Variants in IQCK observed in about 807,000 individuals in gnomAD.
IQCK encodes the protein IQ domain-containing protein K.
In IQCK, 29 loss-of-function variants were observed where a neutral mutation model predicts 28.1. That is an observed-to-expected ratio of 1.03 (90% CI 0.77 to 1.41). The LOEUF (loss-of-function observed/expected upper bound fraction) is 1.41, where lower values mean the gene tolerates loss of function less well. Among genes scored for constraint, IQCK ranks in the 40% most tolerant of loss-of-function variants. The pLI is 0.00. For synonymous variants in IQCK, 113 were observed against 115.1 expected (o/e 0.98, Z 0.12); for missense variants, 359 against 314.7 (o/e 1.14, Z -1.07).
downstream of IQCK, among the ~76,000 whole-genome samples, chr16:19,827,932 GAC>G (rs1223439488): frequency 2.0e-5 from 3 of 150,780 alleles, no homozygotes; most frequent in Non-Finnish European, 4.4e-5. Flanking sequence ...TTTTTTTTGA[GAC>G]AGAGTCTCAC....
At chr16:19,719,836 G>T (rs1010829978) in intron 1 of IQCK, among the ~76,000 whole-genome samples, 1 of 151,540 alleles carries the variant, frequency 6.6e-6, no homozygotes, top group African/African-American at 2.4e-5. Flanking sequence ...ATCATTCCTG[G>T]CTAATTTTTT....
At position 19,784,406 on chromosome 16, in the gene IQCK, A is replaced by G. The variant is rs183114642; in HGVS notation, c.606-4432A>G. ...GAACACAGAGTCCCTTTACCCCTCT[A>G]TGCCTCAGTTGTTTCAACTCTCAAG... On this transcript the variant is annotated intron_variant, in intron 6 of 7. Coordinates refer to ENST00000564186, the Ensembl canonical transcript of IQCK. 8.5e-4 allele frequency among the ~76,000 whole-genome samples: 129 copies of G among 152,236 alleles called. 2 individuals are homozygous for G. The highest frequency in any genetic ancestry group is 3.0e-3 in the African/African-American group (124 of 41,532).
At chr16:19,848,629 T>C (rs1864211056) in intron 9 of IQCK, among the ~76,000 whole-genome samples, 1 of 152,192 alleles carries the variant, frequency 6.6e-6, no homozygotes, top group African/African-American at 2.4e-5. Flanking sequence ...GTGCCACCAG[T>C]ACCACTGGTA....
intron 4 of IQCK, among the ~76,000 whole-genome samples, chr16:19,750,743 T>G (rs1229841337): frequency 2.0e-5 from 3 of 152,148 alleles, no homozygotes; most frequent in Non-Finnish European, 4.4e-5. Context: ...ATTACAGACG[T>G]GAGCCACCGC....
At chr16:19,819,666 T>C (rs765969690) in intron 7 of IQCK, 2 of 153,370 alleles carry the variant, frequency 1.3e-5, no homozygotes, top group Non-Finnish European at 1.5e-5. Flanking sequence ...TATGTCAAAA[T>C]TTAATAACTA....
chr16:19,764,696 T>C (rs1029984598), intron 6 of IQCK, among the ~76,000 whole-genome samples: 3 of 148,352 alleles, frequency 2.0e-5, no homozygotes, highest in Non-Finnish European at 4.5e-5. Flanking sequence ...TAATTTCTTT[T>C]TTTTTTTTTT....
chr16:19,782,651 A>G (rs1156886736), intron 6 of IQCK, among the ~76,000 whole-genome samples: 3 of 152,066 alleles, frequency 2.0e-5, no homozygotes, highest in African/African-American at 7.2e-5. Flanking sequence ...AAAGAGAGAA[A>G]GAAAAGTGGA....
chr16:19,738,330 G>T (rs566489137), intron 4 of IQCK, among the ~76,000 whole-genome samples: 1 of 152,200 alleles, frequency 6.6e-6, no homozygotes, highest in Admixed American at 6.5e-5. Flanking sequence ...CCCTGGAGGG[G>T]TGAGGAAAGA....
At chr16:19,818,834 A>G (rs1406568422) in intron 7 of IQCK, among the ~76,000 whole-genome samples, 1 of 152,210 alleles carries the variant, frequency 6.6e-6, no homozygotes, top group Non-Finnish European at 1.5e-5. Context: ...TCTTAAAACA[A>G]GTAAGGCACC....
intron 4 of IQCK, among the ~76,000 whole-genome samples, chr16:19,760,742 A>G (rs2055126215): frequency 6.6e-6 from 1 of 152,164 alleles, no homozygotes; most frequent in African/African-American, 2.4e-5. Context: ...TGTGCAAGAA[A>G]AAATTCAGGG....
chr16:19,728,889 G>A (rs1254826936), intron 1 of IQCK, among the ~76,000 whole-genome samples: 3 of 152,224 alleles, frequency 2.0e-5, no homozygotes, highest in African/African-American at 7.2e-5. Context: ...CTGTCTGATA[G>A]GTAGCTAGGT....
chr16:19,721,243 A>G (rs1325357180), intron 1 of IQCK, among the ~76,000 whole-genome samples: 6 of 152,348 alleles, frequency 3.9e-5, no homozygotes, highest in African/African-American at 1.4e-4. Flanking sequence ...TCTCCATTCA[A>G]AAGACAAATT....
At chr16:19,776,278 A>C (rs2055393472) in intron 6 of IQCK, among the ~76,000 whole-genome samples, 1 of 152,164 alleles carries the variant, frequency 6.6e-6, no homozygotes, top group African/African-American at 2.4e-5. Context: ...TTTGAACATA[A>C]GCAACCTGGC....
intron 4 of IQCK, among the ~76,000 whole-genome samples, chr16:19,739,647 T>C (rs1440659422): frequency 6.6e-6 from 1 of 152,142 alleles, no homozygotes; most frequent in Non-Finnish European, 1.5e-5. Context: ...AAACCCCATC[T>C]CTACAAAAAA....
chr16:19,718,367 G>C (rs952267000), exon 1 of IQCK: 5 of 1,609,638 alleles, frequency 3.1e-6, no homozygotes, highest in Non-Finnish European at 4.2e-6. Context: ...CTGCTCTACA[G>C]ACTCGTCGTT....
chr16:19,730,486 G>A (rs1977797524), exon 2 of IQCK: 5 of 1,606,902 alleles, frequency 3.1e-6, no homozygotes, highest in Non-Finnish European at 3.4e-6. Context: ...ACAGGAGCCT[G>A]TGATTACGGT....
chr16:19,855,113 C>T (rs2056541114), intron 9 of IQCK, among the ~76,000 whole-genome samples: 1 of 152,166 alleles, frequency 6.6e-6, no homozygotes, highest in Non-Finnish European at 1.5e-5. Context: ...TCATTTTGAA[C>T]TGCCTTCTTG....
intron 4 of IQCK, among the ~76,000 whole-genome samples, chr16:19,751,221 A>C (rs1167509329): frequency 6.6e-6 from 1 of 152,174 alleles, no homozygotes; most frequent in Non-Finnish European, 1.5e-5. Flanking sequence ...GGCCAAGCAC[A>C]GTAGTTCACA....
At chr16:19,804,353 A>T (rs1314436302) in intron 7 of IQCK, among the ~76,000 whole-genome samples, 1 of 151,908 alleles carries the variant, frequency 6.6e-6, no homozygotes, top group African/African-American at 2.4e-5. Context: ...CAAAAAAAAA[A>T]TAAAATAAAA....
Sources: gnomAD v4.1 joint callset for allele counts (sites outside exome capture counted in the v4.1 genomes callset) on GRCh38, gnomAD v4.1.1 for gene constraint, MANE v1.5 for transcripts, NCBI Gene and HGNC (gene_info 2026-07-23, HGNC 2026-07-21) for gene names.